Variants in USP30 observed in about 807,000 individuals in gnomAD.
The protein encoded by USP30 is ubiquitin carboxyl-terminal hydrolase 30.
In USP30, 41 loss-of-function variants were observed where a neutral mutation model predicts 68.2. That is an observed-to-expected ratio of 0.60 (90% confidence interval 0.47 to 0.78). USP30 has a LOEUF of 0.78. Among genes scored for constraint, USP30 ranks in the 30% least tolerant of loss-of-function variants. The probability of loss-of-function intolerance (pLI) is 0.00; values close to 1 mark genes in which losing one functional copy is unlikely to be tolerated. For missense variants in USP30, 522 were observed against 649.4 expected, an observed-to-expected ratio of 0.80 and a Z score of 2.13; for synonymous variants, 229 against 253.7, an observed-to-expected ratio of 0.90 and a Z score of 0.93.
At chr12:109,063,560 A>C (rs73195455) in intron 3 of USP30, among the ~76,000 whole-genome samples, 1,590 of 152,320 alleles carry the variant, frequency 0.01, 17 homozygotes, top group Non-Finnish European at 0.015. Context: ...TTCTGTAAAC[A>C]CTCAGAAGTA....
In USP30 at chr12:109,040,239, T is replaced by C. The variant is rs74979708; in HGVS notation, c.-135-7351T>C. On this transcript the variant is annotated intron_variant, in intron 3 of 15. Coordinates refer to the USP30 transcript ENST00000392784. ...TTGGGGAAACTTTAGAGTTTAACTA[T>C]TAAGGAAGTGATTAGAGAAACTATT... Among the ~76,000 whole-genome samples, 405 of 152,182 alleles carry C rather than the reference T, an allele frequency of 2.7e-3. 1 individual carries two copies. The highest frequency in any genetic ancestry group is 9.0e-3 in the African/African-American group (375 of 41,520).
At position 109,052,637 on chromosome 12, in the gene USP30, C is replaced by CGGT; in HGVS notation, c.-41_-39dup. The CGGT allele has an allele frequency of 3.4e-6, 5 of 1,449,906 alleles. No individual in the cohort carries two copies. The highest frequency in any genetic ancestry group is 2.7e-5 in the Admixed American group (1 of 37,652). 89.8% of individuals were successfully genotyped at this position (1,449,906 alleles called of 1,614,324 possible). ...TCCCTCGGTCCGGCGGCGGCGGCGGCGGTAGCGGAGGAGACGGTTTCAGGC... is the reference window on the plus strand; with the variant it reads ...TCCCTCGGTCCGGCGGCGGCGGCGGCGGTGGTAGCGGAGGAGACGGTTTCAGGC... On this transcript the variant is annotated 5_prime_UTR_variant, in exon 1 of 13. Transcript: ENST00000257548.
rs1417550313 is a variant in USP30 at position 109,070,009 on chromosome 12, G to A, written c.481-1603G>A. 1.3e-5 allele frequency among the ~76,000 whole-genome samples: 2 copies of A among 152,130 alleles called. No homozygotes were observed. The highest frequency in any genetic ancestry group is 2.9e-5 in the Non-Finnish European group (2 of 67,992). On this transcript the variant is annotated intron_variant, in intron 4 of 12. Coordinates refer to ENST00000257548, the MANE Select transcript of USP30 (RefSeq NM_032663.5). The surrounding 1 kb of genome is among the most constrained non-coding windows in gnomAD (Gnocchi z 4.0). ...GCGGTGGAGGAGAGGGGCTGGCGAA[G>A]TTGGCAGGGAGCAGATTGTGCAGGG...
At chr12:109,057,787 C>G in intron 2 of USP30, 139 bp from the exon 3 acceptor site, 1 of 954,828 alleles carries the variant, frequency 1.0e-6, no homozygotes, top group African/African-American at 1.6e-5. Context: ...GGCCTGGCCC[C>G]AGATCTCTGT....
At position 109,086,099 on chromosome 12, in the gene USP30, A is replaced by T; in HGVS notation, c.*168A>T. On this transcript the variant is annotated 3_prime_UTR_variant, in exon 13 of 13. Transcript: ENST00000257548. The stretch of plus-strand genomic sequence containing the variant: ...AGCCAGCCCCAGTTCACACCAAACC[A>T]GGCTCCCTGAACAGTCCTGTTCATG... The T allele has an allele frequency of 1.0e-6, 1 of 961,460 alleles. No individual in the cohort carries two copies. Among genetic ancestry groups the T allele is most frequent in the Non-Finnish European group, 1.5e-6 (1 of 667,084 alleles). 59.6% of individuals were successfully genotyped at this position (961,460 alleles called of 1,614,324 possible). A position where few individuals can be genotyped will look rare whatever the true frequency, so the allele number is the denominator to read the frequency against.
chr12:109,033,226 A>G (rs2040495203), intron 3 of USP30, among the ~76,000 whole-genome samples: 1 of 152,246 alleles, frequency 6.6e-6, no homozygotes, highest in South Asian at 2.1e-4. Flanking sequence ...TTTGAGAAGG[A>G]AGAATTATAC....
At chr12:109,032,012 G>A (rs2040485824) in intron 3 of USP30, among the ~76,000 whole-genome samples, 2 of 151,592 alleles carry the variant, frequency 1.3e-5, no homozygotes, top group South Asian at 4.2e-4. Flanking sequence ...TAAGGTAGGA[G>A]GATCACTTGA....
rs2041449535 is a variant in USP30 at position 109,071,690 on chromosome 12, T to C, written c.559T>C (p.Phe187Leu). The C allele has an allele frequency of 3.1e-6, 5 of 1,614,202 alleles. No individual in the cohort carries two copies. The highest frequency in any genetic ancestry group is 4.2e-6 in the Non-Finnish European group (5 of 1,180,028). The change falls in exon 5 of 13, where the codon TTT (phenylalanine) becomes CTT (leucine). Residue 187 changes from phenylalanine (F) to leucine (L), a missense_variant. Physicochemically the swap from Phe to Leu is conservative, Grantham distance 22 (BLOSUM62 0). Coordinates refer to ENST00000257548, the MANE Select transcript of USP30 (RefSeq NM_032663.5). ...CCGCCAGCCTCGGGTCACACATTTG[T>C]TTGATGTGCATTCCCTGGAGGTAAA... is the stretch of plus-strand genomic sequence containing the variant. ...RDRQPRVTHL[F>L]DVHSLEQQSE...
At chr12:109,051,812 C>G (rs754192486), upstream of USP30, among the ~76,000 whole-genome samples, 1 of 152,146 alleles carries the variant, frequency 6.6e-6, no homozygotes, top group Non-Finnish European at 1.5e-5. Flanking sequence ...TCAGGTGATC[C>G]ACCAGCCTCG....
intron 1 of USP30, chr12:109,054,799 C>G (rs2040790037): frequency 6.6e-6 from 1 of 152,066 alleles, no homozygotes; most frequent in Admixed American, 6.5e-5. Context: ...TAAGGTAATC[C>G]CACTTTCTTA....
At chr12:109,082,403 G>A in intron 9 of USP30, 1 of 549,896 alleles carries the variant, frequency 1.8e-6, no homozygotes, top group South Asian at 2.4e-5. Context: ...TTTGAAGACA[G>A]AGAACAATTA....
At position 109,085,701 on chromosome 12, in the gene USP30, G is replaced by C. The variant is rs767058503; in HGVS notation, c.1324G>C (p.Val442Leu). 1 of 1,614,040 alleles carries C rather than the reference G, an allele frequency of 6.2e-7. No individual in the cohort carries two copies. The highest frequency in any genetic ancestry group is 8.5e-7 in the Non-Finnish European group (1 of 1,180,000). The stretch of plus-strand genomic sequence containing the variant: ...ATACCTCTTCCGGCTGATGGCAGTT[G>C]TCGTCCACCATGGAGACATGCACTC... The part of the protein sequence containing the change: ...STYLFRLMAV[V>L]VHHGDMHSGH... The change falls in exon 13 of 13, where the codon GTC becomes CTC. Residue 442 changes from valine to leucine, a missense_variant. Transcript: ENST00000257548.
upstream of USP30, among the ~76,000 whole-genome samples, chr12:109,050,504 T>G (rs956671106): frequency 2.0e-5 from 3 of 152,168 alleles, no homozygotes; most frequent in Non-Finnish European, 4.4e-5. Flanking sequence ...GTTTCTGTAG[T>G]TGGGGCTACA....
chr12:109,049,056 C>T (rs890103017), upstream of USP30, among the ~76,000 whole-genome samples: 1 of 152,304 alleles, frequency 6.6e-6, no homozygotes, highest in Non-Finnish European at 1.5e-5. Flanking sequence ...AGAGGGGGCC[C>T]ATTCAGTCAG....
At chr12:109,073,401 C>T in intron 6 of USP30, 37 bp from the exon 7 acceptor site, 11 of 1,475,762 alleles carry the variant, frequency 7.5e-6, no homozygotes, top group Non-Finnish European at 1.0e-5. Context: ...TGCCAAAGGG[C>T]TAAAAGTGAC....
chr12:109,081,963 C>CAG lies in USP30; in HGVS notation c.812_813insGA (p.His271GlnfsTer27). 6.2e-7 allele frequency: 1 copy of CAG among 1,614,272 alleles called. No individual in the cohort carries two copies. The highest frequency in any genetic ancestry group is 8.5e-7 in the Non-Finnish European group (1 of 1,180,052). On this transcript the variant is annotated frameshift_variant, in exon 9 of 13. Transcript: ENST00000257548. LOFTEE classifies it high-confidence loss of function. The stretch of plus-strand genomic sequence containing the variant: ...CCCATTGACCCTGGACCACTGCCTT[C>CAG]ACCACTTCATCTCATCAGAATCAGT...
intron 7 of USP30, among the ~76,000 whole-genome samples, chr12:109,075,444 G>T (rs1027379334): frequency 2.6e-5 from 4 of 152,036 alleles, no homozygotes; most frequent in African/African-American, 4.8e-5. Flanking sequence ...TCCGTCTCTT[G>T]GGTTCAAGCA....
At chr12:109,040,721 C>G (rs1427805430) in intron 3 of USP30, among the ~76,000 whole-genome samples, 1 of 152,226 alleles carries the variant, frequency 6.6e-6, no homozygotes, top group Non-Finnish European at 1.5e-5. Context: ...CCACATGGAC[C>G]TCTCCATAAT....
intron 4 of USP30, among the ~76,000 whole-genome samples, chr12:109,069,228 G>A (rs914577991): frequency 1.3e-5 from 2 of 152,154 alleles, no homozygotes; most frequent in African/African-American, 4.8e-5. Flanking sequence ...TTGTTACATG[G>A]CTGACCCACG....
Sources: gnomAD v4.1 joint callset for allele counts (sites outside exome capture counted in the v4.1 genomes callset) on GRCh38, gnomAD v4.1.1 for gene constraint, Gnocchi (gnomAD v3.1) non-coding constraint, MANE v1.5 for transcripts, NCBI Gene and HGNC (gene_info 2026-07-23, HGNC 2026-07-21) for gene names.